The following GPC6 variants were observed in gnomAD, a reference collection of about 807,000 sequenced individuals.
GPC6 encodes the protein glypican 6, also known as glypican-6.
GPC6 carries 14 observed loss-of-function variants against 55.2 expected under a neutral mutation model. That is an observed-to-expected ratio of 0.25 (90% CI 0.17 to 0.40). The LOEUF (loss-of-function observed/expected upper bound fraction) is 0.40. Among genes scored for constraint, GPC6 ranks in the 10% least tolerant of loss-of-function variants. The probability of loss-of-function intolerance (pLI) is 1.00; values close to 1 mark genes in which losing one functional copy is unlikely to be tolerated. For synonymous variants in GPC6, 278 were observed against 259.6 expected, an observed-to-expected ratio of 1.07 and a Z score of -0.68; for missense variants, 641 against 708.5, an observed-to-expected ratio of 0.90 and a Z score of 1.08.
chr13:93,884,887 C>G (rs1875227664), intron 3 of GPC6, among the ~76,000 whole-genome samples: 1 of 152,024 alleles, frequency 6.6e-6, no homozygotes, highest in South Asian at 2.1e-4. Context: ...TGTGTGTTAT[C>G]TTTTAGTGAA....
At chr13:93,396,796 C>G (rs182867194) in intron 1 of GPC6, among the ~76,000 whole-genome samples, 16 of 152,160 alleles carry the variant, frequency 1.1e-4, no homozygotes, top group African/African-American at 3.9e-4. Context: ...ACATAGAGCA[C>G]TTACAATAGT....
intron 1 of GPC6, among the ~76,000 whole-genome samples, chr13:93,515,766 A>G (rs1881166974): frequency 6.6e-6 from 1 of 152,206 alleles, no homozygotes; most frequent in African/African-American, 2.4e-5. Flanking sequence ...ATCTTGTAGT[A>G]GAGTATTTAG....
chr13:93,273,902 A>G (rs988165889), intron 1 of GPC6, among the ~76,000 whole-genome samples: 1 of 151,720 alleles, frequency 6.6e-6, no homozygotes, highest in Admixed American at 6.6e-5. Context: ...TCTGCCTCCC[A>G]GGTTCAAGCA....
intron 2 of GPC6, among the ~76,000 whole-genome samples, chr13:93,600,004 C>A (rs1408479116): frequency 2.6e-5 from 4 of 152,162 alleles, no homozygotes; most frequent in African/African-American, 7.2e-5. Flanking sequence ...CTTAACACTA[C>A]CTTTAGAAGA....
intron 4 of GPC6, among the ~76,000 whole-genome samples, chr13:94,174,942 C>T (rs971971279): frequency 5.9e-5 from 9 of 152,180 alleles, no homozygotes; most frequent in African/African-American, 2.2e-4. Flanking sequence ...GTTCCTGTAG[C>T]TATCTCTGAG....
chr13:93,313,877 A>G (rs1879157853), intron 1 of GPC6, among the ~76,000 whole-genome samples: 1 of 152,134 alleles, frequency 6.6e-6, no homozygotes, highest in African/African-American at 2.4e-5. Flanking sequence ...GAATTATACT[A>G]TGTATACAGT....
intron 2 of GPC6, among the ~76,000 whole-genome samples, chr13:93,697,435 T>G (rs73545529): frequency 0.041 from 6,227 of 152,214 alleles, 436 homozygotes; most frequent in African/African-American, 0.14. Context: ...GCCATAACAT[T>G]TACTACTATC....
chr13:93,630,965 A>G (rs192199138), intron 2 of GPC6, among the ~76,000 whole-genome samples: 1 of 152,228 alleles, frequency 6.6e-6, no homozygotes, highest in African/African-American at 2.4e-5. Context: ...CCCTAATCCA[A>G]TCTGACTAGT....
intron 1 of GPC6, among the ~76,000 whole-genome samples, chr13:93,362,173 G>A (rs574485927): frequency 7.9e-4 from 121 of 152,300 alleles, no homozygotes; most frequent in Non-Finnish European, 1.4e-3. Context: ...GACAGCTTGT[G>A]TGCTTGCTGT....
chr13:94,251,318 C>T (rs7997752), intron 4 of GPC6, among the ~76,000 whole-genome samples: 4 of 150,434 alleles, frequency 2.7e-5, no homozygotes, highest in South Asian at 4.2e-4. Context: ...GGGGGCAAAG[C>T]GGGGGAGAGC....
intron 2 of GPC6, among the ~76,000 whole-genome samples, chr13:93,819,703 G>A (rs553220778): frequency 4.0e-4 from 61 of 152,272 alleles, no homozygotes; most frequent in African/African-American, 1.2e-3. Flanking sequence ...TAGGCTCAAA[G>A]CAGTTGTTTG....
intron 2 of GPC6, among the ~76,000 whole-genome samples, chr13:93,666,305 AT>A (rs1302939523): frequency 6.6e-6 from 1 of 152,004 alleles, no homozygotes; most frequent in African/African-American, 2.4e-5. Flanking sequence ...AACAGTTTTG[AT>A]TTTCTAAGAC....
chr13:93,578,421 T>G (rs1180956765), intron 2 of GPC6, among the ~76,000 whole-genome samples: 9 of 152,156 alleles, frequency 5.9e-5, no homozygotes, highest in African/African-American at 2.2e-4. Flanking sequence ...ATATTCTGTC[T>G]TGGTAGAATT....
chr13:94,236,194 G>A (rs1252055522), intron 4 of GPC6, among the ~76,000 whole-genome samples: 1 of 152,036 alleles, frequency 6.6e-6, no homozygotes, highest in South Asian at 2.1e-4. Flanking sequence ...ATTAATTAAA[G>A]AATCCTCTGA....
Position 93,461,149 on chromosome 13 carries a change from A to C in GPC6, c.161-84114A>C, listed in dbSNP as rs549912797. Among the ~76,000 whole-genome samples the C allele has an allele frequency of 2.6e-5, 4 of 152,246 alleles. No individual in the cohort carries two copies. In the South Asian group the frequency reaches 8.3e-4, roughly 32 times the overall value. ...CAATTTTTTTATCGTAAAATGTATAATACTAGTGCCACAAATTTTATTTTT... is the reference window on the plus strand; with the variant it reads ...CAATTTTTTTATCGTAAAATGTATACTACTAGTGCCACAAATTTTATTTTT... On this transcript the variant is annotated intron_variant, in intron 1 of 8. Coordinates refer to ENST00000377047, the MANE Select transcript of GPC6 (RefSeq NM_005708.5).
At chr13:93,481,791 G>C (rs1879532004) in intron 1 of GPC6, among the ~76,000 whole-genome samples, 1 of 152,132 alleles carries the variant, frequency 6.6e-6, no homozygotes, top group Non-Finnish European at 1.5e-5. Context: ...TTATGCTCAT[G>C]CTAGTAGTAC....
intron 3 of GPC6, among the ~76,000 whole-genome samples, chr13:93,845,448 A>G (rs1349922254): frequency 7.2e-6 from 1 of 139,782 alleles, no homozygotes; most frequent in Non-Finnish European, 1.5e-5. Context: ...ATCTAGAACT[A>G]GAAATACCAT....
intron 2 of GPC6, among the ~76,000 whole-genome samples, chr13:93,671,868 A>G (rs1282109896): frequency 6.6e-6 from 1 of 152,106 alleles, no homozygotes; most frequent in Non-Finnish European, 1.5e-5. Context: ...GTTAAGTGGC[A>G]TGTCAGGATG....
At chr13:94,088,936 G>T (rs2138808593) in intron 4 of GPC6, among the ~76,000 whole-genome samples, 1 of 152,204 alleles carries the variant, frequency 6.6e-6, no homozygotes, top group Non-Finnish European at 1.5e-5. Context: ...ACATATAATT[G>T]ATTTTGTCGT....
Sources: gnomAD v4.1 joint callset for allele counts (sites outside exome capture counted in the v4.1 genomes callset) on GRCh38, gnomAD v4.1.1 for gene constraint, MANE v1.5 for transcripts, NCBI Gene and HGNC (gene_info 2026-07-23, HGNC 2026-07-21) for gene names.